SPSB1: variants seen among roughly 807,000 people sequenced by gnomAD.
SPSB1 encodes the protein splA/ryanodine receptor domain and SOCS box containing 1.
A neutral mutation model predicts 21.2 loss-of-function variants in SPSB1; 8 were observed. The observed-to-expected ratio is 0.38, with a 90% CI of 0.22 to 0.68. SPSB1 has a LOEUF of 0.68. Ranked by LOEUF, SPSB1 falls within the 30% of genes least tolerant of loss-of-function variation. The pLI is 0.53. For synonymous variants in SPSB1, 169 were observed against 161.7 expected (o/e 1.05, Z -0.34); for missense variants, 242 against 377.8 (o/e 0.64, Z 2.98).
chr1:9,329,826 G>A (rs1244864796), intron 1 of SPSB1, among the ~76,000 whole-genome samples: 5 of 152,192 alleles, frequency 3.3e-5, no homozygotes, highest in African/African-American at 1.2e-4. Context: ...CTTGGGTGTG[G>A]AGGTAGAAGA....
At chr1:9,333,081 G>C (rs1038180855) in intron 1 of SPSB1, among the ~76,000 whole-genome samples, 1 of 152,222 alleles carries the variant, frequency 6.6e-6, no homozygotes, top group Non-Finnish European at 1.5e-5. Flanking sequence ...CAGGGTCCAA[G>C]AATCAGCCTC....
Position 9,293,896 on chromosome 1 carries a change from G to A in SPSB1, c.-150+825G>A, listed in dbSNP as rs538353111. Reference sequence around the variant, plus strand: ...CATGTCCTTGTGAATATGTGCCTGCGTATGAGTGTGTCTGTGTGTTCATGT... The same window carrying A: ...CATGTCCTTGTGAATATGTGCCTGCATATGAGTGTGTCTGTGTGTTCATGT... On this transcript the variant is annotated intron_variant, in intron 1 of 2. Transcript: ENST00000328089. This position sits in a 1 kb window ranked among gnomAD's most constrained non-coding sequence, Gnocchi z 5.1. Among the ~76,000 whole-genome samples the A allele has an allele frequency of 4.1e-4, 62 of 152,270 alleles. 1 individual carries two copies. The highest frequency in any genetic ancestry group is 6.8e-3 in the Middle Eastern group (2 of 294).
intron 1 of SPSB1, among the ~76,000 whole-genome samples, chr1:9,354,174 C>T (rs1640322764): frequency 6.6e-6 from 1 of 152,154 alleles, no homozygotes; most frequent in Admixed American, 6.5e-5. Context: ...GGGAGGCCAG[C>T]CCTCTGAGGT....
intron 1 of SPSB1, among the ~76,000 whole-genome samples, chr1:9,342,344 T>C (rs478103): frequency 0.9 from 137,716 of 152,216 alleles, 62,594 homozygotes; most frequent in Middle Eastern, 0.94. Context: ...GTCCAGAAAC[T>C]GTGTGCATCA....
At chr1:9,300,262 CT>C (rs1639306822) in intron 1 of SPSB1, among the ~76,000 whole-genome samples, 1 of 152,204 alleles carries the variant, frequency 6.6e-6, no homozygotes, top group Non-Finnish European at 1.5e-5. Context: ...CCTGTTTGGA[CT>C]TTGGAGGCAA....
At position 9,328,775 on chromosome 1, in the gene SPSB1, G is replaced by A. The variant is rs866606708; in HGVS notation, c.-149-26968G>A. On this transcript the variant is annotated intron_variant, in intron 1 of 2. Transcript: ENST00000328089. ...TCTTTTCACCTGAAGCTCACTCTGC[G>A]CTGGGGCTTCCCAACATGGCACTGT... Among the ~76,000 whole-genome samples, 8 of 152,214 alleles carry A rather than the reference G, an allele frequency of 5.3e-5. 1 individual carries two copies. The highest frequency in any genetic ancestry group is 3.2e-3 in the Middle Eastern group (1 of 316).
chr1:9,325,172 T>C (rs1287723669), intron 1 of SPSB1, among the ~76,000 whole-genome samples: 1 of 149,344 alleles, frequency 6.7e-6, no homozygotes, highest in South Asian at 2.1e-4. Flanking sequence ...GCGCTGGGCA[T>C]CCAAGAAGAC....
chr1:9,349,905 C>G (rs1640228890), intron 1 of SPSB1, among the ~76,000 whole-genome samples: 1 of 152,144 alleles, frequency 6.6e-6, no homozygotes, highest in African/African-American at 2.4e-5. Flanking sequence ...GAGGACGGTC[C>G]TGCAGTTAGA....
Position 9,305,973 on chromosome 1 carries a change from G to C in SPSB1, c.-150+12902G>C, listed in dbSNP as rs1639403295. 1.3e-5 allele frequency among the ~76,000 whole-genome samples: 2 copies of C among 152,184 alleles called. No individual in the cohort carries two copies. Among genetic ancestry groups the C allele is most frequent in the Non-Finnish European group, 2.9e-5 (2 of 68,044 alleles). ...GAGGCAGGAGGGCCCACAGACCTGG[G>C]GACATTTGTGCAATTGCGAGTAACG... is the stretch of plus-strand genomic sequence containing the variant. On this transcript the variant is annotated intron_variant, in intron 1 of 2. Coordinates refer to ENST00000328089, the MANE Select transcript of SPSB1 (RefSeq NM_025106.4). The surrounding 1 kb of genome is among the most constrained non-coding windows in gnomAD (Gnocchi z 4.8).
chr1:9,351,793 G>A (rs1640263037), intron 1 of SPSB1, among the ~76,000 whole-genome samples: 1 of 152,218 alleles, frequency 6.6e-6, no homozygotes, highest in African/African-American at 2.4e-5. Flanking sequence ...GACACAGGGT[G>A]GGTGACAGAT....
intron 1 of SPSB1, among the ~76,000 whole-genome samples, chr1:9,304,392 T>C (rs899723636): frequency 2.0e-5 from 3 of 152,192 alleles, no homozygotes; most frequent in African/African-American, 7.2e-5. Context: ...CTTTCTCATC[T>C]GTCTCTCCCT....
chr1:9,310,562 G>T (rs959097387), intron 1 of SPSB1, among the ~76,000 whole-genome samples: 2 of 152,158 alleles, frequency 1.3e-5, no homozygotes, highest in Non-Finnish European at 2.9e-5. Flanking sequence ...GGATGTGATG[G>T]TGCATGCCTG....
At chr1:9,343,207 G>A (rs955289387) in intron 1 of SPSB1, among the ~76,000 whole-genome samples, 1 of 152,020 alleles carries the variant, frequency 6.6e-6, no homozygotes, top group Non-Finnish European at 1.5e-5. Context: ...CCTAAAAGAG[G>A]CTCGAGTCCC....
intron 2 of SPSB1, among the ~76,000 whole-genome samples, chr1:9,357,644 A>G (rs1640395743): frequency 6.6e-6 from 1 of 152,216 alleles, no homozygotes; most frequent in Non-Finnish European, 1.5e-5. Flanking sequence ...GGGGAGGAGC[A>G]TGCAGATCAG....
chr1:9,308,638 A>G (rs1362020736), intron 1 of SPSB1, among the ~76,000 whole-genome samples: 1 of 152,192 alleles, frequency 6.6e-6, no homozygotes, highest in Non-Finnish European at 1.5e-5. Flanking sequence ...GCCATGAGCC[A>G]GGCGCTATGC....
At chr1:9,322,728 A>G (rs1385390834) in intron 1 of SPSB1, among the ~76,000 whole-genome samples, 1 of 152,188 alleles carries the variant, frequency 6.6e-6, no homozygotes, top group Non-Finnish European at 1.5e-5. Flanking sequence ...GAGCCAGCAC[A>G]CAAGGTGGCA....
chr1:9,349,008 G>A (rs1640208917), intron 1 of SPSB1, among the ~76,000 whole-genome samples: 1 of 152,054 alleles, frequency 6.6e-6, no homozygotes, highest in Non-Finnish European at 1.5e-5. Context: ...TAGTGGTGGG[G>A]TATTCCTCCC....
At chr1:9,349,830 T>C (rs927592188) in intron 1 of SPSB1, among the ~76,000 whole-genome samples, 3 of 152,144 alleles carry the variant, frequency 2.0e-5, no homozygotes, top group African/African-American at 7.2e-5. Context: ...TGATCTTACT[T>C]GTGGGAAAAT....
At chr1:9,297,886 CACGCATACGT>C (rs1639251743) in intron 1 of SPSB1, among the ~76,000 whole-genome samples, 1 of 152,208 alleles carries the variant, frequency 6.6e-6, no homozygotes, top group Non-Finnish European at 1.5e-5. Flanking sequence ...ACAGATCTTT[CACGCATACGT>C]TGAGAAATAG....
Sources: allele counts gnomAD v4.1 joint callset (sites outside exome capture counted in the v4.1 genomes callset), GRCh38; gene constraint gnomAD v4.1.1; non-coding constraint Gnocchi (gnomAD v3.1); transcripts MANE v1.5; gene names NCBI Gene and HGNC (gene_info 2026-07-23, HGNC 2026-07-21).